Variants in PRDM8 observed in about 807,000 individuals in gnomAD.
The protein encoded by PRDM8 is PR/SET domain 8, also known as PR domain zinc finger protein 8.
In PRDM8, 13 loss-of-function variants were observed where a neutral mutation model predicts 46.5. The ratio of observed to expected loss-of-function variants is 0.28; its 90% CI spans 0.18 to 0.44. The LOEUF (loss-of-function observed/expected upper bound fraction) is 0.44, where lower values mean the gene tolerates loss of function less well. Ranked by LOEUF, PRDM8 falls within the 20% of genes least tolerant of loss-of-function variation. The pLI is 1.00. For synonymous variants in PRDM8, 473 were observed against 438.4 expected (o/e 1.08, Z -0.98); for missense variants, 998 against 955.0 (o/e 1.04, Z -0.59).
Position 80,202,213 on chromosome 4 carries a change from G to A in PRDM8, c.751G>A (p.Gly251Ser), listed in dbSNP as rs756183779. ...AAGCAGCAACCCATCCGCTGCCGCCGGCGGCAGCAGCGCGAAGCCATCCAC... is the reference window on the plus strand; with the variant it reads ...AAGCAGCAACCCATCCGCTGCCGCCAGCGGCAGCAGCGCGAAGCCATCCAC... ...PESSNPSAAA[G>S]GSSAKPSTDF... Residue 251 changes from glycine to serine, a missense_variant, in exon 4 of 4, where the codon GGC becomes AGC. By Grantham distance (56) the Gly-to-Ser change is moderately conservative. Coordinates refer to ENST00000415738, the MANE Select transcript of PRDM8 (RefSeq NM_001099403.2). 40 of 1,611,740 alleles carry A rather than the reference G, an allele frequency of 2.5e-5. No individual in the cohort carries two copies. Among genetic ancestry groups the A allele is most frequent in the African/African-American group, 1.9e-4 (14 of 74,692 alleles).
At chr4:80,197,017 C>A, upstream of PRDM8, 1 of 985,438 alleles carries the variant, frequency 1.0e-6, no homozygotes, top group Non-Finnish European at 1.2e-6. Context: ...CGTTTATCAC[C>A]CCCAGGCAAC....
Position 80,203,587 on chromosome 4 carries a change from A to G in PRDM8, c.*55A>G. 2 of 1,523,984 alleles carry G rather than the reference A, an allele frequency of 1.3e-6. No homozygotes were observed. The highest frequency in any genetic ancestry group is 4.8e-5 in the East Asian group (2 of 41,540). 94.4% of individuals were successfully genotyped at this position (1,523,984 alleles called of 1,614,324 possible). On this transcript the variant is annotated 3_prime_UTR_variant, in exon 4 of 4. Transcript: ENST00000415738. ...GCGCAAGCACAGTTAAGCCACCTGC[A>G]GGAATAAACACGCGAGAACATCCAC...
At position 80,198,979 on chromosome 4, in the gene PRDM8, G is replaced by GTTTTTTTT. The variant is rs1738184321; in HGVS notation, c.-2-1100_-2-1099insTTTTTTTT. Reference sequence around the variant, plus strand: ...AAATTTAAATACCTGGGTTTTTTTGGGTTTTTTTTTTTTTGTTTTTTTTTT... The same window carrying GTTTTTTTT: ...AAATTTAAATACCTGGGTTTTTTTGGTTTTTTTTGTTTTTTTTTTTTTGTTTTTTTTTT... On this transcript the variant is annotated intron_variant, in intron 1 of 3. Coordinates refer to ENST00000415738, the MANE Select transcript of PRDM8 (RefSeq NM_001099403.2). Among the ~76,000 whole-genome samples, 15 of 113,518 alleles carry GTTTTTTTT rather than the reference G, an allele frequency of 1.3e-4. 1 individual carries two copies. The highest frequency in any genetic ancestry group is 8.9e-4 in the East Asian group (2 of 2,240). 74.5% of individuals were successfully genotyped at this position (113,518 alleles called of 152,430 possible).
rs1257862049 is a variant in PRDM8, at chr4:80,203,507, C to G, written c.2045C>G (p.Ser682Cys). 2 of 1,612,440 alleles carry G rather than the reference C, an allele frequency of 1.2e-6. No individual in the cohort carries two copies. The highest frequency in any genetic ancestry group is 8.5e-7 in the Non-Finnish European group (1 of 1,179,314). ...NESFRERHHLSRHMTSHN is the reference protein window; with the variant it reads ...NESFRERHHLCRHMTSHN ...TCCTTCAGGGAGCGCCACCACCTCTCCAGGCACATGACCTCGCATAATTGA... is the reference window on the plus strand; with the variant it reads ...TCCTTCAGGGAGCGCCACCACCTCTGCAGGCACATGACCTCGCATAATTGA... The change falls in exon 4 of 4, where the codon TCC (serine) becomes TGC (cysteine). Residue 682 changes from serine (S) to cysteine (C), a missense_variant. Coordinates refer to ENST00000415738, the MANE Select transcript of PRDM8 (RefSeq NM_001099403.2).
chr4:80,204,087 A>G lies in PRDM8; in HGVS notation c.*555A>G, dbSNP rs901163623. The G allele has an allele frequency of 6.5e-6, 1 of 152,780 alleles. No homozygotes were observed. Among genetic ancestry groups the G allele is most frequent in the Non-Finnish European group, 1.5e-5 (1 of 68,126 alleles). The allele number at this position is 152,780 out of a possible 1,614,324, so 9.5% of individuals were successfully genotyped here. On this transcript the variant is annotated 3_prime_UTR_variant, in exon 4 of 4. Transcript: ENST00000415738. Reference sequence around the variant, plus strand: ...ACAAAATGAATAAAAAGGGATCACCATTCAATTTGAGTTTCCAGGGGGAAG... The same window carrying G: ...ACAAAATGAATAAAAAGGGATCACCGTTCAATTTGAGTTTCCAGGGGGAAG...
chr4:80,201,853 GGTGTGCGTGTGTGTGTGTGTGTGCGT>G, intron 3 of PRDM8, 35 bp from the exon 4 acceptor site: 2 of 1,590,920 alleles, frequency 1.3e-6, no homozygotes, highest in Non-Finnish European at 1.7e-6. Flanking sequence ...GTAATCATGT[GGTGTGCGTGTGTGTGTGTGTGTGCGT>G]GCGTGCGTGT....
At chr4:80,196,939 G>C (rs1293367937), upstream of PRDM8, 1 of 985,346 alleles carries the variant, frequency 1.0e-6, no homozygotes, top group East Asian at 1.1e-4. Context: ...TCTCACCAAA[G>C]CGCATCCTTT....
At position 80,201,535 on chromosome 4, in the gene PRDM8, C is replaced by T; in HGVS notation, c.451+14C>T. 1 of 1,609,878 alleles carries T rather than the reference C, an allele frequency of 6.2e-7. No individual in the cohort carries two copies. Among genetic ancestry groups the T allele is most frequent in the South Asian group, 1.1e-5 (1 of 90,954 alleles). The stretch of plus-strand genomic sequence containing the variant: ...ACAAAATGAATGGTAGGTTGGCTCG[C>T]GACCGGCGTGTGGGCCCTTAACTAG... On this transcript the variant is annotated intron_variant, in intron 3 of 3. Coordinates refer to ENST00000415738, the MANE Select transcript of PRDM8 (RefSeq NM_001099403.2).
chr4:80,203,460 C>G lies in PRDM8; in HGVS notation c.1998C>G (p.Leu666=). The G allele has an allele frequency of 6.2e-7, 1 of 1,613,438 alleles. No homozygotes were observed. The highest frequency in any genetic ancestry group is 8.5e-7 in the Non-Finnish European group (1 of 1,179,784). ...TGAAGCGGCGGCGAGAGGAGAAACTCAAGTGCCCCATCTGCAATGAGTCCT... is the reference window on the plus strand; with the variant it reads ...TGAAGCGGCGGCGAGAGGAGAAACTGAAGTGCCCCATCTGCAATGAGTCCT... ...PLVKRRREEK[L]KCPICNESFR... is the part of the protein sequence containing the mutation. The change falls in exon 4 of 4, where the codon CTC becomes CTG. Residue 666 remains leucine (L), a synonymous_variant. Transcript: ENST00000415738.
upstream of PRDM8, chr4:80,196,897 A>T (rs1738002599): frequency 1.0e-6 from 1 of 985,052 alleles, no homozygotes. Flanking sequence ...CTCCAACCTC[A>T]TCTCCCAAGC....
chr4:80,186,430 GGA>G (rs70944766), intron 1 of PRDM8, among the ~76,000 whole-genome samples: 12,498 of 129,866 alleles, frequency 0.096, 1,102 homozygotes, highest in African/African-American at 0.24. Context: ...AAGGCAGGGT[GGA>G]GAGAGAGAGA....
In PRDM8 at chr4:80,197,580, C is replaced by CA. The variant is rs1314104625; in HGVS notation, c.-184dup. 1 of 977,770 alleles carries CA rather than the reference C, an allele frequency of 1.0e-6. No individual in the cohort carries two copies. Among genetic ancestry groups the CA allele is most frequent in the Non-Finnish European group, 1.2e-6 (1 of 822,712 alleles). The allele number at this position is 977,770 out of a possible 1,614,324, so 60.6% of individuals were successfully genotyped here. A position where few individuals can be genotyped will look rare whatever the true frequency, so the allele number is the denominator to read the frequency against. On this transcript the variant is annotated 5_prime_UTR_variant, in exon 1 of 4. Coordinates refer to ENST00000415738, the MANE Select transcript of PRDM8 (RefSeq NM_001099403.2). ...CCCTCCCTCCCTCCCTCCACCCCCC[C>CA]AATCTTTTTCTCCCCATCTCTCCAT...
intron 1 of PRDM8, among the ~76,000 whole-genome samples, chr4:80,198,703 C>G (rs767329163): frequency 2.6e-5 from 4 of 152,128 alleles, no homozygotes; most frequent in Non-Finnish European, 4.4e-5. Flanking sequence ...GAAAAAAGCA[C>G]ACCTTGTAAT....
rs1393648878 is a variant in PRDM8, at chr4:80,202,790, G to T, written c.1328G>T (p.Gly443Val). The change falls in exon 4 of 4, where the codon GGC (glycine) becomes GTC (valine). Residue 443 changes from glycine to valine, a missense_variant. Gly to Val is a moderately radical substitution (Grantham distance 109, BLOSUM62 -3). Coordinates refer to ENST00000415738, the MANE Select transcript of PRDM8 (RefSeq NM_001099403.2). Reference protein sequence around the residue: ...AEKLLAPRPGGPLPSRLEGGS... With the variant: ...AEKLLAPRPGVPLPSRLEGGS... Reference sequence around the variant, plus strand: ...AAGCTGCTGGCCCCGCGGCCTGGGGGCCCGCTGCCCAGCCGGCTCGAGGGC... The same window carrying T: ...AAGCTGCTGGCCCCGCGGCCTGGGGTCCCGCTGCCCAGCCGGCTCGAGGGC... 3 of 1,234,932 alleles carry T rather than the reference G, an allele frequency of 2.4e-6. No individual in the cohort carries two copies. Among genetic ancestry groups the T allele is most frequent in the Admixed American group, 4.3e-5 (1 of 23,152 alleles). 76.5% of individuals were successfully genotyped at this position (1,234,932 alleles called of 1,614,324 possible). A position where few individuals can be genotyped will look rare whatever the true frequency, so the allele number is the denominator to read the frequency against.
At position 80,202,227 on chromosome 4, in the gene PRDM8, G is replaced by T. The variant is rs1200806483; in HGVS notation, c.765G>T (p.Ala255=). ...NPSAAAGGSS[A]KPSTDFHNLA... ...CCGCTGCCGCCGGCGGCAGCAGCGC[G>T]AAGCCATCCACAGACTTCCACAACC... The change falls in exon 4 of 4, where the codon GCG becomes GCT. Residue 255 remains alanine, a synonymous_variant. Transcript: ENST00000415738. 1.1e-5 allele frequency: 17 copies of T among 1,611,632 alleles called. No individual in the cohort carries two copies. Among genetic ancestry groups the T allele is most frequent in the Non-Finnish European group, 1.4e-5 (17 of 1,179,680 alleles).
chr4:80,192,284 C>A (rs1404007943), intron 2 of PRDM8, among the ~76,000 whole-genome samples: 1 of 152,174 alleles, frequency 6.6e-6, no homozygotes, highest in East Asian at 1.9e-4. Context: ...ATCGTTGCCT[C>A]TTTATTTAAC....
chr4:80,201,255 CCTT>C (rs1738415050), intron 2 of PRDM8, 32 bp from the exon 3 acceptor site: 4 of 1,587,508 alleles, frequency 2.5e-6, no homozygotes, highest in South Asian at 1.1e-5. Context: ...CTCCCCCTCT[CCTT>C]CTTGTCTTCT....
At chr4:80,190,482 G>C (rs1329233673) in intron 1 of PRDM8, among the ~76,000 whole-genome samples, 2 of 152,212 alleles carry the variant, frequency 1.3e-5, no homozygotes, top group East Asian at 3.9e-4. Context: ...TTCTGCCCTG[G>C]TAGCCTCCTG....
intron 3 of PRDM8, 57 bp from the exon 4 acceptor site, chr4:80,201,857 T>C (rs1738482812): frequency 6.3e-7 from 1 of 1,595,116 alleles, no homozygotes; most frequent in Non-Finnish European, 8.6e-7. Flanking sequence ...TCATGTGGTG[T>C]GCGTGTGTGT....
Sources: allele counts gnomAD v4.1 joint callset (sites outside exome capture counted in the v4.1 genomes callset), GRCh38; gene constraint gnomAD v4.1.1; transcripts MANE v1.5; gene names NCBI Gene and HGNC (gene_info 2026-07-23, HGNC 2026-07-21).